The following GRHL3 variants were observed in gnomAD, a reference collection of about 807,000 sequenced individuals.
The protein encoded by GRHL3 is grainyhead-like protein 3 homolog.
GRHL3 carries 20 observed loss-of-function variants against 70.3 expected under a neutral mutation model. The ratio of observed to expected loss-of-function variants is 0.28; its 90% confidence interval spans 0.20 to 0.41. The LOEUF (loss-of-function observed/expected upper bound fraction) is 0.41, where lower values mean the gene tolerates loss of function less well. Ranked by LOEUF, GRHL3 falls within the 10% of genes least tolerant of loss-of-function variation. The pLI, the probability that GRHL3 is intolerant of heterozygous loss-of-function variation, is 1.00. For missense variants in GRHL3, 637 were observed against 762.3 expected (o/e 0.84, Z 1.94); for synonymous variants, 299 against 299.9 (o/e 1.00, Z 0.03).
At chr1:24,351,604 C>T (rs1439936204) in intron 15 of GRHL3, among the ~76,000 whole-genome samples, 3 of 151,652 alleles carry the variant, frequency 2.0e-5, no homozygotes, top group African/African-American at 7.3e-5. Context: ...CTGGCTCCAG[C>T]CCCACCTGTG....
chr1:24,350,751 C>T (rs978590010), intron 15 of GRHL3, among the ~76,000 whole-genome samples: 3 of 152,204 alleles, frequency 2.0e-5, no homozygotes, highest in African/African-American at 7.2e-5. Flanking sequence ...AGGGATGCTC[C>T]ACAGGCCTCC....
chr1:24,327,576 T>C (rs547863984), intron 1 of GRHL3, among the ~76,000 whole-genome samples: 13 of 152,360 alleles, frequency 8.5e-5, no homozygotes, highest in Admixed American at 8.5e-4. Context: ...TGGCAGGCTA[T>C]CCATGGCAGG....
chr1:24,349,373 C>A (rs771483159), intron 14 of GRHL3, among the ~76,000 whole-genome samples: 27 of 152,236 alleles, frequency 1.8e-4, no homozygotes, highest in Non-Finnish European at 2.5e-4. Flanking sequence ...GCTCGCCCAA[C>A]AAATGGGCTT....
At chr1:24,320,040 G>T (rs1639120739) in intron 1 of GRHL3, 1 of 192,186 alleles carries the variant, frequency 5.2e-6, no homozygotes, top group Non-Finnish European at 1.1e-5. Flanking sequence ...ACAGTGTGGT[G>T]GTTAAGCATG....
At chr1:24,331,669 A>G in intron 2 of GRHL3, 57 bp downstream of exon 2, 1 of 1,497,110 alleles carries the variant, frequency 6.7e-7, no homozygotes, top group Non-Finnish European at 9.1e-7. Context: ...TCTTCACTTC[A>G]GGCCTCATGG....
At chr1:24,346,678 A>G in intron 13 of GRHL3, 37 bp downstream of exon 13, 6 of 1,495,884 alleles carry the variant, frequency 4.0e-6, no homozygotes, top group Non-Finnish European at 5.6e-6. Context: ...CACCAGGCCC[A>G]CCCCAGCTCC....
At chr1:24,352,038 A>T (rs558246236) in intron 15 of GRHL3, among the ~76,000 whole-genome samples, 3 of 152,248 alleles carry the variant, frequency 2.0e-5, no homozygotes, top group Non-Finnish European at 4.4e-5. Context: ...TAAAGGATGC[A>T]GCCAGGCTGG....
At chr1:24,320,662 C>CT (rs1639146963) in intron 1 of GRHL3, among the ~76,000 whole-genome samples, 1 of 152,236 alleles carries the variant, frequency 6.6e-6, no homozygotes, top group Admixed American at 6.5e-5. Context: ...GTCCTGACTG[C>CT]AGACCGGATT....
chr1:24,326,835 GCAA>G (rs1199407372), intron 1 of GRHL3, among the ~76,000 whole-genome samples: 2 of 152,194 alleles, frequency 1.3e-5, no homozygotes, highest in Non-Finnish European at 1.5e-5. Flanking sequence ...TCAGTACCCT[GCAA>G]CAGGTCACCT....
At chr1:24,360,419 C>A (rs1641028121) in intron 15 of GRHL3, among the ~76,000 whole-genome samples, 1 of 152,156 alleles carries the variant, frequency 6.6e-6, no homozygotes, top group African/African-American at 2.4e-5. Flanking sequence ...GCACTCCAGC[C>A]TGGGCGATAC....
chr1:24,337,677 T>G lies in GRHL3; in HGVS notation c.728T>G (p.Ile243Ser). The change falls in exon 6 of 16, where the codon ATC becomes AGC. Residue 243 changes from isoleucine to serine, a missense_variant. Transcript: ENST00000361548. ...YTLGSPKAIH[I>S]KSGESPMAYL... ...CTGGGCTCCCCCAAAGCCATCCACATCAAGTCAGGCGAGTCACCCATGGCC... is the reference window on the plus strand; with the variant it reads ...CTGGGCTCCCCCAAAGCCATCCACAGCAAGTCAGGCGAGTCACCCATGGCC... 6.2e-7 allele frequency: 1 copy of G among 1,614,128 alleles called. No individual in the cohort carries two copies.
At chr1:24,339,615 T>TG in intron 7 of GRHL3, 53 bp from the exon 8 acceptor site, 4 of 1,290,600 alleles carry the variant, frequency 3.1e-6, no homozygotes, top group Non-Finnish European at 4.4e-6. Flanking sequence ...CCTCCTCAAG[T>TG]GGTCCCAGAT....
chr1:24,358,580 AG>A, downstream of GRHL3: 1 of 1,614,114 alleles, frequency 6.2e-7, no homozygotes. Flanking sequence ...CTCGTTGTAG[AG>A]GAAGGACTGC....
At chr1:24,347,074 A>G (rs1303091003) in intron 13 of GRHL3, among the ~76,000 whole-genome samples, 1 of 152,246 alleles carries the variant, frequency 6.6e-6, no homozygotes, top group Non-Finnish European at 1.5e-5. Context: ...GAAACCAACT[A>G]GCAGCTAAGC....
downstream of GRHL3, among the ~76,000 whole-genome samples, chr1:24,355,902 T>C (rs1640700363): frequency 1.1e-5 from 1 of 87,648 alleles, no homozygotes. Context: ...ATTTATCTTT[T>C]TTTTTTTTTT....
At chr1:24,324,561 AACAGTAATACTTC>A (rs1178573963) in intron 1 of GRHL3, among the ~76,000 whole-genome samples, 1 of 152,246 alleles carries the variant, frequency 6.6e-6, no homozygotes, top group African/African-American at 2.4e-5. Flanking sequence ...TGCATCTTCC[AACAGTAATACTTC>A]ACAAAGTTGT....
intron 15 of GRHL3, among the ~76,000 whole-genome samples, chr1:24,362,534 A>C (rs1051705946): frequency 6.6e-6 from 1 of 152,220 alleles, no homozygotes; most frequent in Non-Finnish European, 1.5e-5. Flanking sequence ...TTTATAAAGG[A>C]GTTACAATGA....
At chr1:24,344,484 A>AG (rs1640166848) in intron 11 of GRHL3, among the ~76,000 whole-genome samples, 2 of 51,574 alleles carry the variant, frequency 3.9e-5, no homozygotes, top group African/African-American at 1.4e-4. Flanking sequence ...CTTTCCCCCC[A>AG]GAAAAAAAAA....
intron 1 of GRHL3, among the ~76,000 whole-genome samples, chr1:24,323,764 G>A (rs186473958): frequency 2.0e-5 from 3 of 152,192 alleles, no homozygotes; most frequent in Non-Finnish European, 2.9e-5. Flanking sequence ...AATAATCCTG[G>A]CTGGCTGCCT....
Sources: gnomAD v4.1 joint callset for allele counts (sites outside exome capture counted in the v4.1 genomes callset) on GRCh38, gnomAD v4.1.1 for gene constraint, MANE v1.5 for transcripts, NCBI Gene and HGNC (gene_info 2026-07-23, HGNC 2026-07-21) for gene names.